Variants in COMMD6 observed in about 807,000 individuals in gnomAD.
COMMD6 encodes COMM domain-containing protein 6.
In COMMD6, 11 loss-of-function variants were observed where a neutral mutation model predicts 13.4. That is an observed-to-expected ratio of 0.82 (90% CI 0.52 to 1.36). COMMD6 has a LOEUF of 1.36. COMMD6 is among the 40% of genes most tolerant of loss of function. The pLI, the probability that COMMD6 is intolerant of heterozygous loss-of-function variation, is 0.00. For missense variants in COMMD6, 124 were observed against 102.4 expected (o/e 1.21, Z -0.91); for synonymous variants, 43 against 36.5 (o/e 1.18, Z -0.64).
intron 2 of COMMD6, 122 bp from the exon 3 acceptor site, chr13:75,530,388 A>C: frequency 1.5e-6 from 1 of 661,266 alleles, no homozygotes; most frequent in Non-Finnish European, 2.5e-6. Flanking sequence ...ATTTACATAA[A>C]GTATCTTCAT....
chr13:75,533,057 A>G (rs1196450660), intron 2 of COMMD6, among the ~76,000 whole-genome samples: 1 of 151,164 alleles, frequency 6.6e-6, no homozygotes, highest in African/African-American at 2.4e-5. Context: ...CAGCCACCCG[A>G]GTAGCTGGGA....
In COMMD6 at chr13:75,525,488, G is replaced by C. The variant is rs758716087; in HGVS notation, c.*1101C>G. ...ACTGGTTGTGGGAGGGAGAGAGAAG[G>C]GATCTTTGGTTTCTCCTAATTCTAG... On this transcript the variant is annotated 3_prime_UTR_variant, in exon 4 of 4. Coordinates refer to ENST00000682242, the MANE Select transcript of COMMD6 (RefSeq NM_203495.4). 5 of 152,212 alleles carry C rather than the reference G, an allele frequency of 3.3e-5. No individual in the cohort carries two copies. The highest frequency in any genetic ancestry group is 5.9e-5 in the Non-Finnish European group (4 of 68,052). The allele number at this position is 152,212 out of a possible 1,614,324, so 9.4% of individuals were successfully genotyped here.
chr13:75,545,076 T>C (rs1441984474), intron 1 of COMMD6, among the ~76,000 whole-genome samples: 2 of 152,182 alleles, frequency 1.3e-5, no homozygotes, highest in Admixed American at 1.3e-4. Flanking sequence ...TTGGTATGTT[T>C]TCAAGCACTG....
At chr13:75,531,354 T>C (rs2030473528) in intron 2 of COMMD6, among the ~76,000 whole-genome samples, 1 of 152,160 alleles carries the variant, frequency 6.6e-6, no homozygotes, top group South Asian at 2.1e-4. Flanking sequence ...ATAACCCATT[T>C]TCTATTTTAG....
At chr13:75,527,894 T>C in intron 3 of COMMD6, 12 of 1,482,356 alleles carry the variant, frequency 8.1e-6, no homozygotes, top group Non-Finnish European at 1.1e-5. Flanking sequence ...GTACAAACTT[T>C]TGGTTACAAA....
rs1178280911 is a variant in COMMD6, at chr13:75,537,782, CGGCGGCTCG to C, written c.15_23del (p.Ser5_Pro8delinsArg). ...AACTCACATCGGACTTAGCATCCAG[CGGCGGCTCG>C]CTGGACGCCTCCATGGGCAGCGTCT... On this transcript the variant is annotated inframe_deletion, in exon 1 of 4. Coordinates refer to ENST00000682242, the MANE Select transcript of COMMD6 (RefSeq NM_203495.4). 1 of 1,611,310 alleles carries C rather than the reference CGGCGGCTCG, an allele frequency of 6.2e-7. No homozygotes were observed. Among genetic ancestry groups the C allele is most frequent in the Non-Finnish European group, 8.5e-7 (1 of 1,177,984 alleles).
chr13:75,532,675 C>CA lies in COMMD6; in HGVS notation c.55-2410dup, dbSNP rs553771082. 3.1e-3 allele frequency among the ~76,000 whole-genome samples: 468 copies of CA among 152,096 alleles called. 1 individual carries two copies. Among genetic ancestry groups the CA allele is most frequent in the African/African-American group, 0.011 (444 of 41,490 alleles). On this transcript the variant is annotated intron_variant, in intron 2 of 3. Coordinates refer to ENST00000682242, the MANE Select transcript of COMMD6 (RefSeq NM_203495.4). ...TGAAACCCCATCTCTACCAAAAATA[C>CA]AAAAAATTAGCCGGGTGTGGTGGCA...
intron 2 of COMMD6, 69 bp downstream of exon 2, chr13:75,537,595 G>A (rs2030719032): frequency 6.2e-7 from 1 of 1,611,866 alleles, no homozygotes; most frequent in Non-Finnish European, 8.5e-7. Context: ...GGAAGGCTCA[G>A]GGTGGCACGG....
rs567447240 is a variant in COMMD6 at position 75,544,831 on chromosome 13, C to T, written n.106+4492G>A. Among the ~76,000 whole-genome samples the T allele has an allele frequency of 2.7e-5, 4 of 147,404 alleles. No homozygotes were observed. In the East Asian group the frequency reaches 8.2e-4, roughly 30 times the overall value. On this transcript the variant is annotated intron_variant and non_coding_transcript_variant, in intron 1 of 2. Transcript: ENST00000460675. ...TGCACGTCTGTTTGGGAGGCTGAGG[C>T]ACTAGAATTGCTTGAACCTGGGAGG...
chr13:75,533,570 GAAAAAAA>G (rs57092186), intron 2 of COMMD6, among the ~76,000 whole-genome samples: 1 of 131,058 alleles, frequency 7.6e-6, no homozygotes, highest in Non-Finnish European at 1.6e-5. Context: ...CCCCAAATCT[GAAAAAAA>G]AAAAAAAAAA....
At chr13:75,535,447 C>A (rs1202695976) in intron 2 of COMMD6, among the ~76,000 whole-genome samples, 1 of 152,234 alleles carries the variant, frequency 6.6e-6, no homozygotes, top group African/African-American at 2.4e-5. Context: ...TGTTACAAGG[C>A]TACTGCGGTA....
At chr13:75,531,053 C>G (rs533957061) in intron 2 of COMMD6, among the ~76,000 whole-genome samples, 5 of 152,196 alleles carry the variant, frequency 3.3e-5, no homozygotes, top group Non-Finnish European at 7.3e-5. Flanking sequence ...AAAGCATAGC[C>G]TGGTACATAG....
At chr13:75,529,317 G>C (rs796107044) in intron 3 of COMMD6, among the ~76,000 whole-genome samples, 64 of 152,116 alleles carry the variant, frequency 4.2e-4, no homozygotes, top group African/African-American at 1.3e-3. Flanking sequence ...TCAGGAGATC[G>C]AGACCATCCT....
chr13:75,528,527 G>T (rs150657936), intron 3 of COMMD6, among the ~76,000 whole-genome samples: 142 of 152,122 alleles, frequency 9.3e-4, no homozygotes, highest in African/African-American at 2.5e-3. Context: ...AAGAAATCAG[G>T]CTGAGCATGG....
intron 2 of COMMD6, 98 bp downstream of exon 2, chr13:75,537,566 A>G (rs9543964): frequency 0.15 from 234,237 of 1,573,358 alleles, 19,535 homozygotes; most frequent in South Asian, 0.29. Flanking sequence ...TCGCGGACAC[A>G]GGACTAGGGG....
At chr13:75,531,582 C>A (rs1436174650) in intron 2 of COMMD6, among the ~76,000 whole-genome samples, 2 of 152,118 alleles carry the variant, frequency 1.3e-5, no homozygotes, top group Non-Finnish European at 2.9e-5. Flanking sequence ...AGGCAAATCA[C>A]AAAATAACTA....
At chr13:75,532,879 C>T (rs1160150973) in intron 2 of COMMD6, among the ~76,000 whole-genome samples, 1 of 151,602 alleles carries the variant, frequency 6.6e-6, no homozygotes, top group Admixed American at 6.6e-5. Flanking sequence ...CATTAACTCA[C>T]TTAAACTTTC....
chr13:75,534,221 T>A (rs2030587333), intron 2 of COMMD6, among the ~76,000 whole-genome samples: 1 of 152,160 alleles, frequency 6.6e-6, no homozygotes, highest in South Asian at 2.1e-4. Context: ...GAGTAAAGGG[T>A]TGCCTATTTG....
chr13:75,528,036 C>T (rs1023405050), intron 3 of COMMD6, among the ~76,000 whole-genome samples: 4 of 148,174 alleles, frequency 2.7e-5, no homozygotes, highest in African/African-American at 1.0e-4. Flanking sequence ...CACACACATA[C>T]ATGCACACAC....
Sources: gnomAD v4.1 joint callset for allele counts (sites outside exome capture counted in the v4.1 genomes callset) on GRCh38, gnomAD v4.1.1 for gene constraint, MANE v1.5 for transcripts, NCBI Gene and HGNC (gene_info 2026-07-23, HGNC 2026-07-21) for gene names.